CXCL13: variants seen among roughly 807,000 people sequenced by gnomAD.
CXCL13 encodes C-X-C motif chemokine ligand 13.
A neutral mutation model predicts 12.2 loss-of-function variants in CXCL13; 7 were observed. That is an observed-to-expected ratio of 0.57 (90% confidence interval 0.33 to 1.07). The LOEUF (loss-of-function observed/expected upper bound fraction) is 1.07. Ranked by LOEUF, CXCL13 falls within the 50% of genes least tolerant of loss-of-function variation. CXCL13 has a pLI of 0.04. For missense variants in CXCL13, 113 were observed against 127.4 expected, an observed-to-expected ratio of 0.89 and a Z score of 0.55; for synonymous variants, 47 against 42.4, an observed-to-expected ratio of 1.11 and a Z score of -0.42.
chr4:77,574,914 TA>T (rs1020924445), intron 1 of CXCL13, among the ~76,000 whole-genome samples: 3 of 151,968 alleles, frequency 2.0e-5, no homozygotes, highest in African/African-American at 7.3e-5. Flanking sequence ...AAAACAGCCT[TA>T]AAGATTATTG....
intron 1 of CXCL13, among the ~76,000 whole-genome samples, chr4:77,527,635 T>TAA (rs532507301): frequency 2.8e-5 from 4 of 145,328 alleles, no homozygotes; most frequent in African/African-American, 1.0e-4. Flanking sequence ...CAGTCTCAGA[T>TAA]AAAAAAAAAA....
upstream of CXCL13, among the ~76,000 whole-genome samples, chr4:77,604,233 T>G (rs1315409181): frequency 6.6e-6 from 1 of 152,138 alleles, no homozygotes; most frequent in Non-Finnish European, 1.5e-5. Context: ...CTGCCCACCA[T>G]GGGCCCCTCT....
intron 1 of CXCL13, among the ~76,000 whole-genome samples, chr4:77,575,886 G>A (rs1220653218): frequency 6.6e-6 from 1 of 151,586 alleles, no homozygotes; most frequent in Non-Finnish European, 1.5e-5. Flanking sequence ...AATTGTATGG[G>A]GTTTCTAAAA....
intron 1 of CXCL13, among the ~76,000 whole-genome samples, chr4:77,528,103 A>G (rs1472461390): frequency 6.6e-6 from 1 of 152,220 alleles, no homozygotes; most frequent in Non-Finnish European, 1.5e-5. Flanking sequence ...TATAAAGAAC[A>G]TGAACTCATC....
chr4:77,596,584 A>G (rs1480899630), intron 1 of CXCL13, among the ~76,000 whole-genome samples: 1 of 152,116 alleles, frequency 6.6e-6, no homozygotes, highest in Non-Finnish European at 1.5e-5. Flanking sequence ...CAGGAGTTAG[A>G]GACCAGCCTG....
intron 1 of CXCL13, among the ~76,000 whole-genome samples, chr4:77,543,430 C>T (rs866716616): frequency 9.9e-5 from 15 of 151,874 alleles, no homozygotes; most frequent in African/African-American, 3.4e-4. Flanking sequence ...TTTTATTATT[C>T]TTATAGTGTG....
intron 1 of CXCL13, among the ~76,000 whole-genome samples, chr4:77,540,191 A>G (rs955789760): frequency 1.3e-5 from 2 of 152,164 alleles, no homozygotes; most frequent in African/African-American, 4.8e-5. Context: ...ATTTTTATAC[A>G]CTTCATGAGG....
At chr4:77,583,205 T>G (rs1489106120) in intron 1 of CXCL13, among the ~76,000 whole-genome samples, 2 of 152,218 alleles carry the variant, frequency 1.3e-5, no homozygotes, top group Non-Finnish European at 2.9e-5. Context: ...AAATTGCTCT[T>G]AGGGCTTATT....
intron 1 of CXCL13, among the ~76,000 whole-genome samples, chr4:77,599,225 G>A (rs1277412210): frequency 1.3e-5 from 2 of 152,146 alleles, no homozygotes; most frequent in East Asian, 1.9e-4. Flanking sequence ...GTATCCGTGA[G>A]GATTGGTTGC....
intron 1 of CXCL13, among the ~76,000 whole-genome samples, chr4:77,554,570 A>C (rs1725615324): frequency 6.6e-6 from 1 of 152,186 alleles, no homozygotes; most frequent in Non-Finnish European, 1.5e-5. Flanking sequence ...AGAATGGAAT[A>C]GCAGTATCAA....
intron 1 of CXCL13, among the ~76,000 whole-genome samples, chr4:77,567,086 A>G (rs972204887): frequency 9.2e-5 from 14 of 151,992 alleles, no homozygotes; most frequent in African/African-American, 3.4e-4. Context: ...CACCCTCTCC[A>G]CCCTTGAGAA....
At chr4:77,577,532 A>G (rs1336238950) in intron 1 of CXCL13, among the ~76,000 whole-genome samples, 1 of 152,352 alleles carries the variant, frequency 6.6e-6, no homozygotes, top group African/African-American at 2.4e-5. Flanking sequence ...TTTCATGGAT[A>G]AAGGTCATGC....
At chr4:77,578,568 G>A (rs1726246426) in intron 1 of CXCL13, among the ~76,000 whole-genome samples, 1 of 152,178 alleles carries the variant, frequency 6.6e-6, no homozygotes, top group Non-Finnish European at 1.5e-5. Flanking sequence ...TCTGTAGGGG[G>A]AAAGAGTCTG....
At chr4:77,585,567 G>A (rs1232225271) in intron 1 of CXCL13, among the ~76,000 whole-genome samples, 2 of 152,168 alleles carry the variant, frequency 1.3e-5, no homozygotes, top group Non-Finnish European at 2.9e-5. Flanking sequence ...TTAGCTCTGT[G>A]CTTGCTTCAG....
intron 1 of CXCL13, among the ~76,000 whole-genome samples, chr4:77,550,074 G>A (rs1338317075): frequency 1.3e-5 from 2 of 152,210 alleles, no homozygotes; most frequent in Non-Finnish European, 2.9e-5. Flanking sequence ...CAGCCTTGCT[G>A]CTGCCTCACA....
chr4:77,535,756 A>G (rs927057610), intron 1 of CXCL13, among the ~76,000 whole-genome samples: 2 of 152,150 alleles, frequency 1.3e-5, no homozygotes, highest in East Asian at 1.9e-4. Flanking sequence ...GTCTCAGCCA[A>G]CAAATAACTA....
intron 2 of CXCL13, among the ~76,000 whole-genome samples, chr4:77,608,707 C>T (rs895743231): frequency 1.3e-5 from 2 of 152,160 alleles, no homozygotes; most frequent in South Asian, 4.1e-4. Flanking sequence ...ATCAAAAGTG[C>T]ATATGGTAGT....
intron 1 of CXCL13, among the ~76,000 whole-genome samples, chr4:77,545,617 A>C (rs945732691): frequency 1.3e-5 from 2 of 152,184 alleles, no homozygotes; most frequent in Non-Finnish European, 2.9e-5. Flanking sequence ...GACTTTGCTG[A>C]AGTTGCTTAT....
At chr4:77,549,919 T>C (rs983951242) in intron 1 of CXCL13, among the ~76,000 whole-genome samples, 1 of 152,220 alleles carries the variant, frequency 6.6e-6, no homozygotes, top group Non-Finnish European at 1.5e-5. Flanking sequence ...TCTGTTGCCT[T>C]TTATTCAGCT....
Sources: allele counts gnomAD v4.1 joint callset (sites outside exome capture counted in the v4.1 genomes callset), GRCh38; gene constraint gnomAD v4.1.1; transcripts MANE v1.5; gene names NCBI Gene and HGNC (gene_info 2026-07-23, HGNC 2026-07-21).